The following GLT8D2 variants were observed in gnomAD, a reference collection of about 807,000 sequenced individuals.
GLT8D2 encodes the protein glycosyltransferase 8 domain-containing protein 2.
In GLT8D2, 45 loss-of-function variants were observed where a neutral mutation model predicts 44.5. The ratio of observed to expected loss-of-function variants is 1.01; its 90% CI spans 0.80 to 1.30. The LOEUF (loss-of-function observed/expected upper bound fraction) is 1.30, where lower values mean the gene tolerates loss of function less well. Among genes scored for constraint, GLT8D2 ranks in the 50% most tolerant of loss-of-function variants. The pLI, the probability that GLT8D2 is intolerant of heterozygous loss-of-function variation, is 0.00. For missense variants in GLT8D2, 400 were observed against 430.4 expected, an observed-to-expected ratio of 0.93 and a Z score of 0.62; for synonymous variants, 156 against 157.2, an observed-to-expected ratio of 0.99 and a Z score of 0.06.
chr12:104,029,470 G>C (rs1878985373), intron 1 of GLT8D2, among the ~76,000 whole-genome samples: 3 of 152,146 alleles, frequency 2.0e-5, no homozygotes, highest in South Asian at 4.1e-4. Context: ...CATTAATTTA[G>C]GGGTGAAAGG....
intron 3 of GLT8D2, 128 bp downstream of exon 3, chr12:104,019,502 G>A (rs976118191): frequency 2.8e-6 from 2 of 719,362 alleles, no homozygotes; most frequent in African/African-American, 3.6e-5. Flanking sequence ...GCCAAAAAGT[G>A]CCTGTGGGAA....
intron 4 of GLT8D2, among the ~76,000 whole-genome samples, chr12:104,008,574 A>G (rs1875393962): frequency 6.6e-6 from 1 of 152,356 alleles, no homozygotes; most frequent in South Asian, 2.1e-4. Context: ...AACATTTTCT[A>G]AGGAAAAATT....
At position 103,999,524 on chromosome 12, in the gene GLT8D2, T is replaced by C; in HGVS notation, c.285-10A>G. The C allele has an allele frequency of 6.4e-7, 1 of 1,557,630 alleles. No individual in the cohort carries two copies. The highest frequency in any genetic ancestry group is 8.8e-7 in the Non-Finnish European group (1 of 1,131,494). On this transcript the variant is annotated splice_polypyrimidine_tract_variant and intron_variant, in intron 5 of 10. Coordinates refer to ENST00000360814, the MANE Select transcript of GLT8D2 (RefSeq NM_001384711.1). ...ATGTTCAATCCATTTTCTAAAAAGA[T>C]GACCAAAAAAACCTCTAGTATACCC...
At chr12:104,016,765 A>AGG (rs1368659962) in intron 3 of GLT8D2, among the ~76,000 whole-genome samples, 27 of 98,972 alleles carry the variant, frequency 2.7e-4, no homozygotes, top group African/African-American at 1.0e-3. Flanking sequence ...GAAAGAAAGA[A>AGG]AGAAAGAAAG....
At chr12:104,051,378 C>G (rs1335767598), upstream of GLT8D2, among the ~76,000 whole-genome samples, 1 of 152,114 alleles carries the variant, frequency 6.6e-6, no homozygotes, top group African/African-American at 2.4e-5. Flanking sequence ...CCAATATATA[C>G]AAGATGTTAT....
intron 1 of GLT8D2, among the ~76,000 whole-genome samples, chr12:104,058,546 A>G (rs1014052196): frequency 6.6e-6 from 1 of 152,202 alleles, no homozygotes; most frequent in African/African-American, 2.4e-5. Context: ...GACTAACCCT[A>G]AGAAGCAGAT....
chr12:104,022,749 TACAC>T (rs10690249), intron 1 of GLT8D2, among the ~76,000 whole-genome samples: 145 of 149,878 alleles, frequency 9.7e-4, no homozygotes, highest in Admixed American at 3.6e-3. Context: ...CAGGAGATTC[TACAC>T]ACACACACAC....
chr12:104,001,748 G>C (rs1371285415), intron 5 of GLT8D2, among the ~76,000 whole-genome samples: 1 of 151,832 alleles, frequency 6.6e-6, no homozygotes, highest in African/African-American at 2.4e-5. Flanking sequence ...CTGTCACCCA[G>C]GCTGAAGCGC....
intron 6 of GLT8D2, among the ~76,000 whole-genome samples, chr12:103,998,470 T>A (rs899468605): frequency 5.3e-5 from 8 of 151,972 alleles, no homozygotes; most frequent in African/African-American, 1.9e-4. Flanking sequence ...AGTGCAATAG[T>A]GCAATCTTGG....
At chr12:104,007,714 C>T (rs1875259744) in intron 4 of GLT8D2, among the ~76,000 whole-genome samples, 1 of 152,114 alleles carries the variant, frequency 6.6e-6, no homozygotes, top group South Asian at 2.1e-4. Flanking sequence ...ACTAAAGTAA[C>T]CATGATATGG....
chr12:104,056,459 G>A (rs1169335298), intron 1 of GLT8D2, among the ~76,000 whole-genome samples: 1 of 152,152 alleles, frequency 6.6e-6, no homozygotes, highest in Non-Finnish European at 1.5e-5. Context: ...CTCACTCTAG[G>A]GTTGACTTTT....
At chr12:104,027,955 C>T (rs1878782366) in intron 1 of GLT8D2, among the ~76,000 whole-genome samples, 1 of 152,176 alleles carries the variant, frequency 6.6e-6, no homozygotes, top group South Asian at 2.1e-4. Context: ...AGCTCACAGG[C>T]AATGCTGGTC....
At chr12:104,012,630 T>TTC (rs138444673) in intron 4 of GLT8D2, 31 of 457,498 alleles carry the variant, frequency 6.8e-5, no homozygotes, top group Middle Eastern at 2.9e-4. Flanking sequence ...TGTGACTTCC[T>TTC]TCTCTCTCTC....
At chr12:104,051,916 T>G (rs1881763027), upstream of GLT8D2, among the ~76,000 whole-genome samples, 2 of 152,222 alleles carry the variant, frequency 1.3e-5, no homozygotes, top group African/African-American at 4.8e-5. Context: ...GTTACACTGA[T>G]TTGATCTTTA....
At chr12:104,044,204 A>G (rs901213801) in intron 1 of GLT8D2, among the ~76,000 whole-genome samples, 1 of 152,126 alleles carries the variant, frequency 6.6e-6, no homozygotes, top group African/African-American at 2.4e-5. Flanking sequence ...CTTCCCAGAT[A>G]TCTACATGGC....
chr12:104,018,725 T>A (rs1042088546), intron 3 of GLT8D2, among the ~76,000 whole-genome samples: 1 of 152,078 alleles, frequency 6.6e-6, no homozygotes, highest in African/African-American at 2.4e-5. Flanking sequence ...AATACAAAAA[T>A]TACCCAGGCA....
chr12:104,046,435 A>G (rs1188963485), intron 1 of GLT8D2, among the ~76,000 whole-genome samples: 4 of 152,184 alleles, frequency 2.6e-5, no homozygotes, highest in Non-Finnish European at 5.9e-5. Context: ...CACACAACTA[A>G]TAAGTGGCAG....
intron 1 of GLT8D2, among the ~76,000 whole-genome samples, chr12:104,033,816 AT>A (rs1879627886): frequency 6.6e-6 from 1 of 151,018 alleles, no homozygotes; most frequent in Non-Finnish European, 1.5e-5. Flanking sequence ...GTATATATAT[AT>A]ATATATATGT....
chr12:104,003,111 CAA>C, intron 5 of GLT8D2, 22 bp downstream of exon 5: 1 of 1,596,260 alleles, frequency 6.3e-7, no homozygotes, highest in African/African-American at 1.3e-5. Flanking sequence ...CAGAAAGTGC[CAA>C]AGTCTGTAAG....
Sources: allele counts gnomAD v4.1 joint callset (sites outside exome capture counted in the v4.1 genomes callset), GRCh38; gene constraint gnomAD v4.1.1; transcripts MANE v1.5; gene names NCBI Gene and HGNC (gene_info 2026-07-23, HGNC 2026-07-21).